The following SRGAP2B variants were observed in gnomAD, a reference collection of about 807,000 sequenced individuals.
The protein encoded by SRGAP2B is SLIT-ROBO Rho GTPase-activating protein 2B.
A neutral mutation model predicts 22.2 loss-of-function variants in SRGAP2B; 9 were observed. The ratio of observed to expected loss-of-function variants is 0.41; its 90% confidence interval spans 0.24 to 0.71. The LOEUF (loss-of-function observed/expected upper bound fraction) is 0.71. Ranked by LOEUF, SRGAP2B falls within the 30% of genes least tolerant of loss-of-function variation. The probability of loss-of-function intolerance (pLI) is 0.35; values close to 1 mark genes in which losing one functional copy is unlikely to be tolerated. For synonymous variants in SRGAP2B, 36 were observed against 87.4 expected (o/e 0.41, Z 3.28); for missense variants, 114 against 235.8 (o/e 0.48, Z 3.38).
chr1:144,985,510 A>AAAAC (rs1286432397), intron 3 of SRGAP2B, among the ~76,000 whole-genome samples: 1 of 151,414 alleles, frequency 6.6e-6, no homozygotes, highest in Non-Finnish European at 1.5e-5. Flanking sequence ...ATTTAAAAAA[A>AAAAC]AAACAAACAA....
Position 144,960,362 on chromosome 1 carries a change from G to A in SRGAP2B, c.261-4761C>T, listed in dbSNP as rs782502341. 2.7e-5 allele frequency among the ~76,000 whole-genome samples: 4 copies of A among 150,834 alleles called. 1 individual carries two copies. Among genetic ancestry groups the A allele is most frequent in the South Asian group, 4.2e-4 (2 of 4,816 alleles). Reference sequence around the variant, plus strand: ...CCTGAGAGGGAATGACTCTGGAGTCGAAAGGAGACCCGGAAAGTCACATGC... The same window carrying A: ...CCTGAGAGGGAATGACTCTGGAGTCAAAAGGAGACCCGGAAAGTCACATGC... On this transcript the variant is annotated intron_variant, in intron 3 of 9. Transcript: ENST00000612199.
chr1:144,993,842 T>C (rs1349126316), intron 3 of SRGAP2B, among the ~76,000 whole-genome samples: 6 of 148,334 alleles, frequency 4.0e-5, no homozygotes, highest in African/African-American at 1.5e-4. Flanking sequence ...AGCAGGCAGA[T>C]TGGAATGGAG....
chr1:145,063,027 G>A (rs1651087498), intron 2 of SRGAP2B, among the ~76,000 whole-genome samples: 2 of 150,234 alleles, frequency 1.3e-5, no homozygotes, highest in African/African-American at 5.0e-5. Flanking sequence ...TCCAGCTCCA[G>A]AACACTTTTT....
At chr1:144,962,071 T>C in intron 3 of SRGAP2B, among the ~76,000 whole-genome samples, 1 of 93,378 alleles carries the variant, frequency 1.1e-5, no homozygotes, top group Non-Finnish European at 2.1e-5. Context: ...AGCTTTGGCT[T>C]CAGCGTTGCC....
intron 4 of SRGAP2B, among the ~76,000 whole-genome samples, chr1:144,941,492 G>A (rs1334678344): frequency 3.4e-5 from 5 of 147,896 alleles, no homozygotes; most frequent in African/African-American, 1.3e-4. Context: ...AGAGAACAGA[G>A]AAAAAGGAAA....
At chr1:145,041,940 TACA>T (rs1553627674) in intron 2 of SRGAP2B, among the ~76,000 whole-genome samples, 1 of 142,124 alleles carries the variant, frequency 7.0e-6, no homozygotes, top group Non-Finnish European at 1.5e-5. Flanking sequence ...TCAACAGGAG[TACA>T]ACAACTAGCA....
chr1:144,959,217 A>G lies in SRGAP2B; in HGVS notation c.261-3616T>C, dbSNP rs1327750295. Among the ~76,000 whole-genome samples, 7 of 149,544 alleles carry G rather than the reference A, an allele frequency of 4.7e-5. No homozygotes were observed. The East Asian group carries it at 1.4e-3, about 29-fold the overall frequency. On this transcript the variant is annotated intron_variant, in intron 3 of 9. Transcript: ENST00000612199. ...TGGGTAGCGAAAATCAACATGCTTA[A>G]TATCATACCATCTCATCATCAGTTG...
chr1:144,967,393 T>G (rs1668164969), intron 3 of SRGAP2B, among the ~76,000 whole-genome samples: 1 of 57,434 alleles, frequency 1.7e-5, no homozygotes, highest in Non-Finnish European at 3.1e-5. Flanking sequence ...GAATGACTAC[T>G]GGGTACATAA....
intron 2 of SRGAP2B, among the ~76,000 whole-genome samples, chr1:145,002,451 C>G (rs1285131232): frequency 1.2e-5 from 1 of 86,952 alleles, no homozygotes; most frequent in Non-Finnish European, 2.2e-5. Flanking sequence ...CATGGTGGCT[C>G]ACACCTGTAA....
intron 4 of SRGAP2B, among the ~76,000 whole-genome samples, chr1:144,927,141 G>T: frequency 6.7e-6 from 1 of 148,670 alleles, no homozygotes; most frequent in Middle Eastern, 3.5e-3. Flanking sequence ...TAGTAGAGAT[G>T]GGGTTTCACC....
At chr1:144,918,338 T>C (rs1371195668) in intron 4 of SRGAP2B, 1 of 149,408 alleles carries the variant, frequency 6.7e-6, no homozygotes, top group East Asian at 1.9e-4. Context: ...GCTGGTTCTA[T>C]CGGATGGGAA....
intron 3 of SRGAP2B, among the ~76,000 whole-genome samples, chr1:144,964,866 C>A (rs1413856355): frequency 2.0e-5 from 3 of 151,280 alleles, no homozygotes; most frequent in African/African-American, 4.9e-5. Flanking sequence ...CCATAGTGCA[C>A]AATGATTGTG....
At chr1:145,080,263 C>A (rs1255289915) in intron 2 of SRGAP2B, among the ~76,000 whole-genome samples, 54 of 148,568 alleles carry the variant, frequency 3.6e-4, no homozygotes, top group Non-Finnish European at 6.5e-4. Context: ...CACAAGTTCA[C>A]CTGTAGGCCC....
chr1:144,903,948 T>C, intron 7 of SRGAP2B, among the ~76,000 whole-genome samples: 1 of 141,098 alleles, frequency 7.1e-6, no homozygotes, highest in East Asian at 2.1e-4. Context: ...TTGGAGTCTG[T>C]AGGTGAGAGG....
intron 4 of SRGAP2B, among the ~76,000 whole-genome samples, chr1:144,943,455 T>C (rs1553607780): frequency 6.6e-6 from 1 of 151,740 alleles, no homozygotes; most frequent in East Asian, 1.9e-4. Context: ...TTGCTTTCTG[T>C]ATTTTTAAAT....
rs1174200113 is a variant in SRGAP2B, at chr1:144,976,960, T to C, written c.260+18048A>G. Among the ~76,000 whole-genome samples, 16 of 17,516 alleles carry C rather than the reference T, an allele frequency of 9.1e-4. 1 individual carries two copies. Among genetic ancestry groups the C allele is most frequent in the Non-Finnish European group, 7.8e-4 (7 of 8,924 alleles). 11.5% of individuals were successfully genotyped at this position (17,516 alleles called of 152,430 possible). A position where few individuals can be genotyped will look rare whatever the true frequency, so the allele number is the denominator to read the frequency against. On this transcript the variant is annotated intron_variant, in intron 3 of 9. Transcript: ENST00000612199. The stretch of plus-strand genomic sequence containing the variant: ...AATAGAAAGTGATTCAAGCAAGAAA[T>C]TATAATGGATGCTAAAACTAGTGAG...
intron 3 of SRGAP2B, among the ~76,000 whole-genome samples, chr1:144,980,596 G>A (rs1306026410): frequency 6.6e-6 from 1 of 151,710 alleles, no homozygotes; most frequent in Non-Finnish European, 1.5e-5. Flanking sequence ...ATATTAAGAC[G>A]CAGAACTGTG....
intron 2 of SRGAP2B, among the ~76,000 whole-genome samples, chr1:145,081,275 A>C (rs1465113472): frequency 4.0e-5 from 6 of 149,226 alleles, no homozygotes; most frequent in Non-Finnish European, 8.9e-5. Flanking sequence ...ATATATGTAA[A>C]GCACCTAAAA....
chr1:144,951,047 C>T (rs1666814184), intron 4 of SRGAP2B, among the ~76,000 whole-genome samples: 1 of 150,664 alleles, frequency 6.6e-6, no homozygotes, highest in Non-Finnish European at 1.5e-5. Context: ...GGGGTTTCAC[C>T]ATGTTGGCCA....
Sources: allele counts gnomAD v4.1 joint callset (sites outside exome capture counted in the v4.1 genomes callset), GRCh38; gene constraint gnomAD v4.1.1; transcripts MANE v1.5; gene names NCBI Gene and HGNC (gene_info 2026-07-23, HGNC 2026-07-21).